The following RELCH variants were observed in gnomAD, a reference collection of about 807,000 sequenced individuals.
The protein encoded by RELCH is RAB11-binding protein RELCH.
A neutral mutation model predicts 150.3 loss-of-function variants in RELCH; 41 were observed. The ratio of observed to expected loss-of-function variants is 0.27; its 90% confidence interval spans 0.21 to 0.35. RELCH has a LOEUF of 0.35. Ranked by LOEUF, RELCH falls within the 10% of genes least tolerant of loss-of-function variation. The pLI is 1.00. For missense variants in RELCH, 1,092 were observed against 1,467.8 expected (o/e 0.74, Z 4.18); for synonymous variants, 478 against 531.8 (o/e 0.90, Z 1.39).
intron 1 of RELCH, among the ~76,000 whole-genome samples, chr18:62,201,351 AATATCT>A (rs1194680848): frequency 2.6e-5 from 4 of 151,992 alleles, no homozygotes; most frequent in Non-Finnish European, 5.9e-5. Context: ...TGTTATTAGC[AATATCT>A]TTATATTTAT....
chr18:62,270,519 T>C (rs2043834763), intron 20 of RELCH, among the ~76,000 whole-genome samples: 1 of 152,200 alleles, frequency 6.6e-6, no homozygotes, highest in Admixed American at 6.6e-5. Context: ...GAAGTTAGAA[T>C]GTAAGAATGA....
At chr18:62,290,540 AT>A (rs1327038694) in intron 26 of RELCH, among the ~76,000 whole-genome samples, 14 of 152,266 alleles carry the variant, frequency 9.2e-5, no homozygotes, top group South Asian at 8.3e-4. Flanking sequence ...TTAAAAAAAA[AT>A]ATCTTTATAA....
chr18:62,236,690 A>G (rs2041896357), intron 10 of RELCH, among the ~76,000 whole-genome samples: 1 of 151,648 alleles, frequency 6.6e-6, no homozygotes, highest in African/African-American at 2.4e-5. Flanking sequence ...GATCCTAGTT[A>G]TTTGCATCTT....
intron 1 of RELCH, among the ~76,000 whole-genome samples, chr18:62,200,087 G>C (rs935819359): frequency 2.0e-5 from 3 of 152,124 alleles, no homozygotes; most frequent in African/African-American, 7.2e-5. Context: ...GTTTCAGCAT[G>C]TAAGTTTCTT....
At chr18:62,240,013 T>C (rs1049474090) in intron 10 of RELCH, among the ~76,000 whole-genome samples, 1 of 152,014 alleles carries the variant, frequency 6.6e-6, no homozygotes, top group African/African-American at 2.4e-5. Flanking sequence ...ACAATTAGGG[T>C]ACTGATAAGC....
At position 62,260,193 on chromosome 18, in the gene RELCH, C is replaced by CAAAAAAAAAAAAAAAA. The variant is rs377119786; in HGVS notation, c.2203-1306_2203-1305insAAAAAAAAAAAAAAAA. Among the ~76,000 whole-genome samples the CAAAAAAAAAAAAAAAA allele has an allele frequency of 1.8e-4, 17 of 95,778 alleles. 1 individual carries two copies. Among genetic ancestry groups the CAAAAAAAAAAAAAAAA allele is most frequent in the East Asian group, 3.3e-4 (1 of 2,994 alleles). The allele number at this position is 95,778 out of a possible 152,430, so 62.8% of individuals were successfully genotyped here. A position where few individuals can be genotyped will look rare whatever the true frequency, so the allele number is the denominator to read the frequency against. On this transcript the variant is annotated intron_variant, in intron 15 of 28. Coordinates refer to ENST00000644646, the MANE Select transcript of RELCH (RefSeq NM_001346231.2). ...TGTAAGGATTCAAACAACTCAACAG[C>CAAAAAAAAAAAAAAAA]AAAAAAAAAAAATCCAATTAAGGAA... is the stretch of plus-strand genomic sequence containing the variant.
intron 27 of RELCH, among the ~76,000 whole-genome samples, chr18:62,293,576 C>T (rs2045262400): frequency 1.3e-5 from 2 of 152,056 alleles, no homozygotes; most frequent in African/African-American, 4.8e-5. Context: ...ACAGCAATGC[C>T]TGGGTCACTG....
In RELCH at chr18:62,187,630, G is replaced by A. The variant is rs374883596; in HGVS notation, c.125G>A (p.Gly42Asp). Residue 42 changes from glycine to aspartate, a missense_variant, in exon 1 of 29, where the codon GGC becomes GAC. By Grantham distance (94) the Gly-to-Asp change is moderately conservative. Coordinates refer to ENST00000644646, the MANE Select transcript of RELCH (RefSeq NM_001346231.2). The part of the protein sequence containing the change: ...TEERRAVLRL[G>D]AGSGLDPGSA... The stretch of plus-strand genomic sequence containing the variant: ...GAACGGCGGGCAGTACTTCGGCTGG[G>A]CGCCGGAAGTGGCCTAGATCCTGGC... 16 of 1,537,932 alleles carry A rather than the reference G, an allele frequency of 1.0e-5. No homozygotes were observed. The African/African-American group carries it at 2.2e-4, about 21-fold the overall frequency.
chr18:62,268,595 G>A (rs1462718087), intron 19 of RELCH: 3 of 193,264 alleles, frequency 1.6e-5, no homozygotes, highest in African/African-American at 7.0e-5. Context: ...CAAGAAGAAA[G>A]TTCTGATTTC....
intron 22 of RELCH, among the ~76,000 whole-genome samples, chr18:62,276,477 C>T (rs923174530): frequency 1.3e-5 from 2 of 151,994 alleles, no homozygotes; most frequent in Admixed American, 6.6e-5. Context: ...GCTATTACTT[C>T]ACAAAATATA....
chr18:62,194,232 G>A (rs2038861776), intron 1 of RELCH, among the ~76,000 whole-genome samples: 1 of 152,116 alleles, frequency 6.6e-6, no homozygotes, highest in South Asian at 2.1e-4. Context: ...GAGAAAGAAC[G>A]AGACCCTGTC....
intron 22 of RELCH, among the ~76,000 whole-genome samples, chr18:62,276,220 T>C (rs1014242507): frequency 2.0e-5 from 3 of 152,132 alleles, no homozygotes; most frequent in Non-Finnish European, 2.9e-5. Context: ...GCTGCCTTGG[T>C]TCAGTTTCCA....
chr18:62,231,214 A>T lies in RELCH; in HGVS notation c.1469A>T (p.His490Leu). 7 of 1,605,144 alleles carry T rather than the reference A, an allele frequency of 4.4e-6. No homozygotes were observed. The highest frequency in any genetic ancestry group is 6.0e-6 in the Non-Finnish European group (7 of 1,173,446). Residue 490 changes from histidine to leucine, a missense_variant, in exon 9 of 29, where the codon CAT becomes CTT. This residue lies in a region of RELCH where 707 missense variants were observed against 1,025.4 expected (regional missense o/e 0.69). Coordinates refer to ENST00000644646, the MANE Select transcript of RELCH (RefSeq NM_001346231.2). ...TCTAGGAAATTGTCTCCTGCATTCCATCAAGCACTACTCTCTTTTTGTCGA... is the reference window on the plus strand; with the variant it reads ...TCTAGGAAATTGTCTCCTGCATTCCTTCAAGCACTACTCTCTTTTTGTCGA... ...KPNRKLSPAF[H>L]QALLSFCRMS...
intron 19 of RELCH, among the ~76,000 whole-genome samples, chr18:62,267,476 AG>A (rs2043636590): frequency 4.8e-5 from 6 of 124,472 alleles, no homozygotes; most frequent in African/African-American, 1.9e-4. Flanking sequence ...TATATAGTCT[AG>A]GTATATATGT....
intron 13 of RELCH, 107 bp downstream of exon 13, chr18:62,255,585 C>T: frequency 1.3e-6 from 1 of 781,946 alleles, no homozygotes; most frequent in East Asian, 2.6e-5. Flanking sequence ...GATGTGCTGT[C>T]TTAATAAAGA....
At chr18:62,200,420 A>C (rs2039353882) in intron 1 of RELCH, among the ~76,000 whole-genome samples, 1 of 152,178 alleles carries the variant, frequency 6.6e-6, no homozygotes, top group African/African-American at 2.4e-5. Context: ...AGGGGATTGT[A>C]CTGTCTTAAT....
intron 9 of RELCH, among the ~76,000 whole-genome samples, chr18:62,231,780 TTC>T (rs147810563): frequency 0.037 from 5,562 of 152,082 alleles, 328 homozygotes; most frequent in African/African-American, 0.13. Context: ...TTTCTTGCTG[TTC>T]TGTGTTTCAT....
intron 18 of RELCH, among the ~76,000 whole-genome samples, chr18:62,265,452 C>G (rs2043503406): frequency 6.6e-6 from 1 of 151,890 alleles, no homozygotes; most frequent in Non-Finnish European, 1.5e-5. Context: ...TCCTATTAAT[C>G]CATTTGTCTT....
intron 24 of RELCH, 96 bp downstream of exon 24, chr18:62,280,805 A>G (rs1051044685): frequency 1.6e-5 from 13 of 807,954 alleles, no homozygotes; most frequent in Non-Finnish European, 2.3e-5. Context: ...CTTACCTTTT[A>G]TTTTGTGCCC....
Sources: gnomAD v4.1 joint callset for allele counts (sites outside exome capture counted in the v4.1 genomes callset) on GRCh38, gnomAD v4.1.1 for gene constraint, gnomAD v4.1.1 regional missense constraint, MANE v1.5 for transcripts, NCBI Gene and HGNC (gene_info 2026-07-23, HGNC 2026-07-21) for gene names.